Variants in PHACTR2 observed in about 807,000 individuals in gnomAD.
PHACTR2 encodes the protein chromosome 6 open reading frame 56.
In PHACTR2, 30 loss-of-function variants were observed where a neutral mutation model predicts 76.0. The ratio of observed to expected loss-of-function variants is 0.39; its 90% confidence interval spans 0.30 to 0.54. The LOEUF is 0.54. Ranked by LOEUF, PHACTR2 falls within the 20% of genes least tolerant of loss-of-function variation. The probability of loss-of-function intolerance (pLI) is 0.61; values close to 1 mark genes in which losing one functional copy is unlikely to be tolerated. For synonymous variants in PHACTR2, 292 were observed against 292.5 expected (o/e 1.00, Z 0.02); for missense variants, 696 against 781.1 (o/e 0.89, Z 1.30).
At chr6:143,773,371 A>G (rs572067343) in intron 7 of PHACTR2, among the ~76,000 whole-genome samples, 65 of 152,306 alleles carry the variant, frequency 4.3e-4, no homozygotes, top group African/African-American at 1.5e-3. Flanking sequence ...TCAACCTAAT[A>G]TAACTTAGAG....
In PHACTR2 at chr6:143,672,630, G is replaced by A. The variant is rs1209067919; in HGVS notation, c.14-39386G>A. Among the ~76,000 whole-genome samples the A allele has an allele frequency of 1.3e-5, 2 of 152,200 alleles. No homozygotes were observed. Among genetic ancestry groups the A allele is most frequent in the Non-Finnish European group, 2.9e-5 (2 of 68,038 alleles). On this transcript the variant is annotated intron_variant, in intron 1 of 11. Coordinates refer to the PHACTR2 transcript ENST00000305766. This position sits in a 1 kb window ranked among gnomAD's most constrained non-coding sequence, Gnocchi z 5.8. Reference sequence around the variant, plus strand: ...TCTGTGTGGCAAAAATGTGGATTTAGTAATTTGCTAAAGTTCAGAGCCTTC... The same window carrying A: ...TCTGTGTGGCAAAAATGTGGATTTAATAATTTGCTAAAGTTCAGAGCCTTC...
In PHACTR2 at chr6:143,616,964, A is replaced by T. The variant is rs976383475; in HGVS notation, c.13+8642A>T. On this transcript the variant is annotated intron_variant, in intron 1 of 11. Transcript: ENST00000305766. This position sits in a 1 kb window ranked among gnomAD's most constrained non-coding sequence, Gnocchi z 4.9. ...ACAAGGCCAGTGTGTCTGGGGCCTG[A>T]TGAGAGGTAGGGGCCTCAGACCAAT... Among the ~76,000 whole-genome samples the T allele has an allele frequency of 1.3e-5, 2 of 152,170 alleles. No homozygotes were observed. The highest frequency in any genetic ancestry group is 2.9e-5 in the Non-Finnish European group (2 of 68,036).
At chr6:143,569,193 G>A (rs1026228832) in intron 1 of PHACTR2, among the ~76,000 whole-genome samples, 1 of 152,218 alleles carries the variant, frequency 6.6e-6, no homozygotes, top group Non-Finnish European at 1.5e-5. Flanking sequence ...GGCTGTGAGG[G>A]AAAGAGGTGT....
At chr6:143,747,612 T>G (rs1779094884) in intron 2 of PHACTR2, among the ~76,000 whole-genome samples, 1 of 151,926 alleles carries the variant, frequency 6.6e-6, no homozygotes, top group African/African-American at 2.4e-5. Context: ...AGCCCAGGAG[T>G]AGGAATCGGG....
Position 143,602,792 on chromosome 6 carries a change from A to C in PHACTR2, c.217+65585A>C, listed in dbSNP as rs994942460. Among the ~76,000 whole-genome samples, 1 of 152,186 alleles carries C rather than the reference A, an allele frequency of 6.6e-6. No individual in the cohort carries two copies. The highest frequency in any genetic ancestry group is 1.5e-5 in the Non-Finnish European group (1 of 68,030). On this transcript the variant is annotated intron_variant, in intron 1 of 11. Transcript: ENST00000367584. This position sits in a 1 kb window ranked among gnomAD's most constrained non-coding sequence, Gnocchi z 6.1. ...GGATGTTGCCTTATGTAAGGTCCAGACACCAGGCAATCTGGATGTGCAGAA... is the reference window on the plus strand; with the variant it reads ...GGATGTTGCCTTATGTAAGGTCCAGCCACCAGGCAATCTGGATGTGCAGAA...
At chr6:143,740,840 A>G (rs1778924821) in intron 2 of PHACTR2, among the ~76,000 whole-genome samples, 1 of 152,242 alleles carries the variant, frequency 6.6e-6, no homozygotes, top group African/African-American at 2.4e-5. Context: ...TGGAGAATAC[A>G]AAGCAGGAGT....
At chr6:143,705,461 A>AT (rs1778031176) in intron 1 of PHACTR2, among the ~76,000 whole-genome samples, 1 of 151,790 alleles carries the variant, frequency 6.6e-6, no homozygotes, top group Non-Finnish European at 1.5e-5. Flanking sequence ...CGCCCAGCCA[A>AT]TTTTTTGTAT....
chr6:143,743,607 C>A lies in PHACTR2; in HGVS notation c.215-5378C>A, dbSNP rs182143655. Among the ~76,000 whole-genome samples, 102 of 152,294 alleles carry A rather than the reference C, an allele frequency of 6.7e-4. No homozygotes were observed. Among genetic ancestry groups the A allele is most frequent in the Non-Finnish European group, 1.3e-3 (91 of 68,028 alleles). On this transcript the variant is annotated intron_variant, in intron 2 of 12. Coordinates refer to ENST00000440869, the MANE Select transcript of PHACTR2 (RefSeq NM_001100164.2). The surrounding 1 kb of genome is among the most constrained non-coding windows in gnomAD (Gnocchi z 5.0). ...GCCTTAGTGAAGATCTTGTTAAAAG[C>A]AGACCATTTTCTGACATTCTGTTTT... is the stretch of plus-strand genomic sequence containing the variant.
At chr6:143,802,118 A>T (rs1456100701) in intron 11 of PHACTR2, among the ~76,000 whole-genome samples, 2 of 152,224 alleles carry the variant, frequency 1.3e-5, no homozygotes, top group Non-Finnish European at 2.9e-5. Flanking sequence ...ACTTAGTTTC[A>T]GACATTTTTG....
rs1775296948 is a variant in PHACTR2, at chr6:143,777,056, T to C, written c.1590-272T>C. On this transcript the variant is annotated intron_variant, in intron 8 of 12. Coordinates refer to ENST00000440869, the MANE Select transcript of PHACTR2 (RefSeq NM_001100164.2). This position sits in a 1 kb window ranked among gnomAD's most constrained non-coding sequence, Gnocchi z 4.6. ...CAGTCACAGCACGATACCTGGCTTC[T>C]AGGGAGGCAGAAGTCTGTAGTCAGG... Among the ~76,000 whole-genome samples the C allele has an allele frequency of 6.6e-6, 1 of 151,932 alleles. No homozygotes were observed.
chr6:143,636,998 C>G (rs62427373), intron 1 of PHACTR2, among the ~76,000 whole-genome samples: 1 of 152,208 alleles, frequency 6.6e-6, no homozygotes, highest in Non-Finnish European at 1.5e-5. Context: ...CTAGGTGTCA[C>G]CATTAGATGC....
intron 12 of PHACTR2, among the ~76,000 whole-genome samples, chr6:143,815,716 A>G (rs1404894336): frequency 1.3e-5 from 2 of 152,052 alleles, no homozygotes. Context: ...AACATGGTGA[A>G]CCCTGTCTCT....
Position 143,538,093 on chromosome 6 carries a change from TACAC to T in PHACTR2, c.217+904_217+907del, listed in dbSNP as rs34308001. On this transcript the variant is annotated intron_variant, in intron 1 of 11. Coordinates refer to the PHACTR2 transcript ENST00000367584. Reference sequence around the variant, plus strand: ...TGAATGAAAAAGTGAGACTCCGTCTTACACACACACACACACACACAAACACACA... The same window carrying T: ...TGAATGAAAAAGTGAGACTCCGTCTTACACACACACACACACAAACACACA... Among the ~76,000 whole-genome samples the T allele has an allele frequency of 1.6e-3, 235 of 150,670 alleles. 1 individual carries two copies. The highest frequency in any genetic ancestry group is 5.3e-3 in the African/African-American group (218 of 41,166).
intron 5 of PHACTR2, among the ~76,000 whole-genome samples, chr6:143,763,244 A>C (rs1202216209): frequency 6.6e-6 from 1 of 152,106 alleles, no homozygotes. Flanking sequence ...CTGTAATCCC[A>C]ACTATTTGGG....
Position 143,777,128 on chromosome 6 carries a change from C to CTG in PHACTR2, c.1590-196_1590-195dup, listed in dbSNP as rs562985484. 6.6e-6 allele frequency among the ~76,000 whole-genome samples: 1 copy of CTG among 152,128 alleles called. No homozygotes were observed. Among genetic ancestry groups the CTG allele is most frequent in the Admixed American group, 6.5e-5 (1 of 15,278 alleles). ...GCTCTGTTGCTAAAAGGAAAGGAGACTGTGTAATGGGGGTCGGTGAGCAGC... is the reference window on the plus strand; with the variant it reads ...GCTCTGTTGCTAAAAGGAAAGGAGACTGTGTGTAATGGGGGTCGGTGAGCAGC... On this transcript the variant is annotated intron_variant, in intron 8 of 12. Transcript: ENST00000440869. The surrounding 1 kb of genome is among the most constrained non-coding windows in gnomAD (Gnocchi z 4.6).
intron 1 of PHACTR2, among the ~76,000 whole-genome samples, chr6:143,635,528 C>A (rs773633540): frequency 8.9e-4 from 136 of 152,334 alleles, no homozygotes; most frequent in African/African-American, 3.2e-3. Context: ...TATACTCCCA[C>A]AGTCAGTGTA....
intron 12 of PHACTR2, among the ~76,000 whole-genome samples, chr6:143,814,870 G>A (rs1057088441): frequency 6.6e-6 from 1 of 152,110 alleles, no homozygotes; most frequent in African/African-American, 2.4e-5. Flanking sequence ...CCAAAGTGCT[G>A]GGATTACAGG....
At chr6:143,702,645 C>T (rs1190746580) in intron 1 of PHACTR2, among the ~76,000 whole-genome samples, 1 of 152,072 alleles carries the variant, frequency 6.6e-6, no homozygotes, top group Non-Finnish European at 1.5e-5. Flanking sequence ...TAATATATAG[C>T]ATAATGTGAA....
chr6:143,564,214 T>TATAC, intron 1 of PHACTR2, among the ~76,000 whole-genome samples: 1 of 112,342 alleles, frequency 8.9e-6, no homozygotes, highest in South Asian at 3.3e-4. Flanking sequence ...TATATATATA[T>TATAC]ATATATATAT....
Sources: gnomAD v4.1 joint callset for allele counts (sites outside exome capture counted in the v4.1 genomes callset) on GRCh38, gnomAD v4.1.1 for gene constraint, Gnocchi (gnomAD v3.1) non-coding constraint, MANE v1.5 for transcripts, NCBI Gene and HGNC (gene_info 2026-07-23, HGNC 2026-07-21) for gene names.